Variants in SPATA17 observed in about 807,000 individuals in gnomAD.
The protein encoded by SPATA17 is spermatogenesis associated 17, also known as spermatogenesis-associated protein 17.
SPATA17 carries 53 observed loss-of-function variants against 62.2 expected under a neutral mutation model. The observed-to-expected ratio is 0.85, with a 90% CI of 0.68 to 1.07. The LOEUF (loss-of-function observed/expected upper bound fraction) is 1.07, where lower values mean the gene tolerates loss of function less well. Ranked by LOEUF, SPATA17 falls within the 50% of genes least tolerant of loss-of-function variation. SPATA17 has a pLI of 0.00. For synonymous variants in SPATA17, 146 were observed against 146.8 expected (o/e 0.99, Z 0.04); for missense variants, 466 against 425.5 (o/e 1.10, Z -0.84).
chr1:217,795,408 C>T (rs1316479466), intron 8 of SPATA17, among the ~76,000 whole-genome samples: 2 of 118,056 alleles, frequency 1.7e-5, no homozygotes, highest in African/African-American at 6.4e-5. Context: ...CTTGCTCTGT[C>T]GCCCAGGCTG....
intron 5 of SPATA17, among the ~76,000 whole-genome samples, chr1:217,699,148 A>C (rs1203028044): frequency 6.6e-6 from 1 of 152,198 alleles, no homozygotes; most frequent in African/African-American, 2.4e-5. Flanking sequence ...AGCTTTTATG[A>C]ATGAAGCTAC....
chr1:217,637,176 C>G (rs550783917), intron 1 of SPATA17, among the ~76,000 whole-genome samples: 1 of 152,248 alleles, frequency 6.6e-6, no homozygotes, highest in Admixed American at 6.5e-5. Flanking sequence ...CTGAGCACTG[C>G]TTTCACAAAC....
chr1:217,770,978 ATTTTTTTTTTTTTTTTTT>A (rs374042087), intron 6 of SPATA17, among the ~76,000 whole-genome samples: 7 of 50,148 alleles, frequency 1.4e-4, no homozygotes, highest in African/African-American at 6.1e-4. Flanking sequence ...AACTCATTGC[ATTTTTTTTTTTTTTTTTT>A]TTTTTTTTTT....
intron 6 of SPATA17, among the ~76,000 whole-genome samples, chr1:217,749,985 C>CTCTATATATA: frequency 3.2e-3 from 39 of 12,312 alleles, no homozygotes; most frequent in South Asian, 9.7e-3. Context: ...CTCTCTCTCT[C>CTCTATATATA]TATATATATA....
chr1:217,705,096 C>T (rs1671701737), intron 5 of SPATA17, among the ~76,000 whole-genome samples: 1 of 152,110 alleles, frequency 6.6e-6, no homozygotes, highest in Non-Finnish European at 1.5e-5. Flanking sequence ...AATAGCAATT[C>T]TGATTGGTGT....
chr1:217,651,976 A>G (rs1160832097), intron 3 of SPATA17, among the ~76,000 whole-genome samples: 1 of 152,212 alleles, frequency 6.6e-6, no homozygotes, highest in Non-Finnish European at 1.5e-5. Flanking sequence ...GCAACCTTAC[A>G]GTTGTTATAG....
chr1:217,816,744 C>A (rs1425788052), intron 9 of SPATA17, among the ~76,000 whole-genome samples: 1 of 151,988 alleles, frequency 6.6e-6, no homozygotes, highest in Non-Finnish European at 1.5e-5. Flanking sequence ...TAAATAATTT[C>A]TTAGTATCTA....
chr1:217,776,955 A>T (rs1179490159), intron 7 of SPATA17, among the ~76,000 whole-genome samples: 7 of 152,174 alleles, frequency 4.6e-5, no homozygotes, highest in East Asian at 1.9e-4. Flanking sequence ...GCTAGAAGTG[A>T]CATCCCATCA....
At chr1:217,711,749 T>C (rs1242213238) in intron 5 of SPATA17, among the ~76,000 whole-genome samples, 1 of 152,196 alleles carries the variant, frequency 6.6e-6, no homozygotes, top group African/African-American at 2.4e-5. Flanking sequence ...ACAATGCAAG[T>C]CTAACACTTG....
chr1:217,871,652 G>A lies in SPATA17; in HGVS notation c.*4633G>A, dbSNP rs764858327. The A allele has an allele frequency of 6.6e-6, 1 of 152,100 alleles. No homozygotes were observed. Among genetic ancestry groups the A allele is most frequent in the Non-Finnish European group, 1.5e-5 (1 of 68,012 alleles). 9.4% of individuals were successfully genotyped at this position (152,100 alleles called of 1,614,324 possible). ...ACTGAACAAATCGCTGGGTAATGCT[G>A]TTTAGGTTGTTCTATTTTCCACGGA... On this transcript the variant is annotated 3_prime_UTR_variant, in exon 11 of 11. Coordinates refer to ENST00000366933, the MANE Select transcript of SPATA17 (RefSeq NM_138796.4).
At chr1:217,831,752 G>A (rs1170432054) in intron 9 of SPATA17, among the ~76,000 whole-genome samples, 5 of 151,994 alleles carry the variant, frequency 3.3e-5, no homozygotes, top group Non-Finnish European at 7.4e-5. Flanking sequence ...ATTTCTTTGT[G>A]GCTCACCCAC....
At chr1:217,730,483 A>T (rs980347911) in intron 5 of SPATA17, among the ~76,000 whole-genome samples, 1 of 152,100 alleles carries the variant, frequency 6.6e-6, no homozygotes, top group Admixed American at 6.6e-5. Flanking sequence ...GGCCTCCCAA[A>T]GTGCTGGGAT....
At chr1:217,858,326 T>C (rs1675825778) in intron 9 of SPATA17, among the ~76,000 whole-genome samples, 1 of 152,118 alleles carries the variant, frequency 6.6e-6, no homozygotes, top group South Asian at 2.1e-4. Context: ...AAGAACATGG[T>C]AGGTATAATA....
At chr1:217,711,068 T>A (rs1484576051) in intron 5 of SPATA17, among the ~76,000 whole-genome samples, 1 of 152,248 alleles carries the variant, frequency 6.6e-6, no homozygotes, top group East Asian at 1.9e-4. Context: ...AATCAGCTGA[T>A]GGACATTTGA....
chr1:217,693,474 T>C (rs1470350499), intron 5 of SPATA17, among the ~76,000 whole-genome samples: 1 of 140,788 alleles, frequency 7.1e-6, no homozygotes, highest in Non-Finnish European at 1.5e-5. Context: ...TGAAGGGTTT[T>C]TTGTGTCTTT....
At chr1:217,672,038 G>T (rs777636231) in intron 4 of SPATA17, among the ~76,000 whole-genome samples, 8 of 152,150 alleles carry the variant, frequency 5.3e-5, no homozygotes, top group Non-Finnish European at 1.2e-4. Flanking sequence ...CCAGTGACTG[G>T]AACTGAAGCT....
intron 6 of SPATA17, among the ~76,000 whole-genome samples, chr1:217,749,472 A>G (rs996903828): frequency 1.3e-4 from 19 of 149,530 alleles, no homozygotes; most frequent in East Asian, 5.9e-4. Context: ...TTTTTTTTCT[A>G]TTTTCCAAAT....
chr1:217,670,135 G>A (rs1023128674), intron 4 of SPATA17, among the ~76,000 whole-genome samples: 60 of 152,044 alleles, frequency 3.9e-4, no homozygotes, highest in African/African-American at 1.3e-3. Context: ...GAATACTTTC[G>A]TCTGGGAATT....
intron 4 of SPATA17, among the ~76,000 whole-genome samples, chr1:217,674,599 C>T (rs1204109206): frequency 6.6e-6 from 1 of 152,212 alleles, no homozygotes; most frequent in Non-Finnish European, 1.5e-5. Flanking sequence ...GTGTGTTGCC[C>T]AAGGGGAACA....
Sources: allele counts gnomAD v4.1 joint callset (sites outside exome capture counted in the v4.1 genomes callset), GRCh38; gene constraint gnomAD v4.1.1; transcripts MANE v1.5; gene names NCBI Gene and HGNC (gene_info 2026-07-23, HGNC 2026-07-21).